Variants in FGD4 observed in about 807,000 individuals in gnomAD.
FGD4 encodes FYVE, RhoGEF and PH domain-containing protein 4.
Under a neutral mutation model 102.0 loss-of-function variants are expected in FGD4, and 42 were observed. That is an observed-to-expected ratio of 0.41 (90% confidence interval 0.32 to 0.53). The LOEUF (loss-of-function observed/expected upper bound fraction) is 0.53. Ranked by LOEUF, FGD4 falls within the 20% of genes least tolerant of loss-of-function variation. The pLI, the probability that FGD4 is intolerant of heterozygous loss-of-function variation, is 0.21. For synonymous variants in FGD4, 380 were observed against 375.7 expected, an observed-to-expected ratio of 1.01 and a Z score of -0.13; for missense variants, 902 against 1,078.2, an observed-to-expected ratio of 0.84 and a Z score of 2.29.
At chr12:32,533,459 T>C (rs1941978579) in intron 1 of FGD4, among the ~76,000 whole-genome samples, 1 of 152,202 alleles carries the variant, frequency 6.6e-6, no homozygotes, top group South Asian at 2.1e-4. Flanking sequence ...GGAGTCTCAC[T>C]CTGTCACCGA....
chr12:32,532,986 A>T (rs1941940395), intron 1 of FGD4, among the ~76,000 whole-genome samples: 1 of 152,194 alleles, frequency 6.6e-6, no homozygotes, highest in African/African-American at 2.4e-5. Context: ...CTTGTGTTGA[A>T]GTGGGAGAAC....
At chr12:32,523,351 A>G (rs550902062) in intron 1 of FGD4, among the ~76,000 whole-genome samples, 68 of 152,192 alleles carry the variant, frequency 4.5e-4, no homozygotes, top group Non-Finnish European at 8.8e-4. Context: ...TGTGGCATTA[A>G]ATACATTTAT....
rs145865619 is a variant in FGD4 at position 32,503,730 on chromosome 12, T to G, written c.167-60407T>G. ...AAATTTCCTTAGCATAATCTAAAAA[T>G]TTTCAAGCCAATGTAATAGTATTGG... is the stretch of plus-strand genomic sequence containing the variant. On this transcript the variant is annotated intron_variant, in intron 1 of 16. Transcript: ENST00000534526. Among the ~76,000 whole-genome samples, 37 of 152,326 alleles carry G rather than the reference T, an allele frequency of 2.4e-4. No homozygotes were observed. The East Asian group carries it at 5.4e-3, about 22-fold the overall frequency.
chr12:32,456,265 A>C (rs566462584), intron 1 of FGD4, among the ~76,000 whole-genome samples: 2 of 152,158 alleles, frequency 1.3e-5, no homozygotes, highest in Admixed American at 6.5e-5. Context: ...TACTTTTGCT[A>C]TGTGATTAGA....
At chr12:32,418,763 G>A (rs1028430619) in intron 1 of FGD4, among the ~76,000 whole-genome samples, 1 of 152,190 alleles carries the variant, frequency 6.6e-6, no homozygotes, top group Non-Finnish European at 1.5e-5. Context: ...GTCAGCAGGT[G>A]GCAAAGCCAG....
At chr12:32,403,228 G>A (rs2931554) in intron 1 of FGD4, among the ~76,000 whole-genome samples, 82,566 of 151,928 alleles carry the variant, frequency 0.54, 23,437 homozygotes, top group African/African-American at 0.71. Flanking sequence ...TTAGAGTTCT[G>A]TGCTTTTTGG....
At chr12:32,582,599 G>C in intron 4 of FGD4, 132 bp downstream of exon 4, 1 of 1,177,456 alleles carries the variant, frequency 8.5e-7, no homozygotes, top group Middle Eastern at 2.7e-4. Flanking sequence ...CGATTTTCAA[G>C]CTCTGGCTGC....
chr12:32,620,963 C>T (rs1215852655), intron 11 of FGD4, among the ~76,000 whole-genome samples: 2 of 151,902 alleles, frequency 1.3e-5, no homozygotes, highest in African/African-American at 2.4e-5. Flanking sequence ...ACACCCGGCC[C>T]ATAACCATTT....
At chr12:32,439,842 A>G (rs763122973) in intron 1 of FGD4, among the ~76,000 whole-genome samples, 1 of 152,006 alleles carries the variant, frequency 6.6e-6, no homozygotes, top group African/African-American at 2.4e-5. Flanking sequence ...TAGATCCTGT[A>G]GGTGTGCTTC....
At chr12:32,615,189 T>C (rs1391262381) in intron 10 of FGD4, among the ~76,000 whole-genome samples, 2 of 152,202 alleles carry the variant, frequency 1.3e-5, no homozygotes, top group Non-Finnish European at 2.9e-5. Context: ...AACCTTAAAA[T>C]GTTGTGTCAA....
chr12:32,630,108 T>A (rs1950414019), intron 14 of FGD4, among the ~76,000 whole-genome samples: 1 of 152,216 alleles, frequency 6.6e-6, no homozygotes, highest in African/African-American at 2.4e-5. Context: ...CTCTATTCAT[T>A]CACCATTACA....
intron 2 of FGD4, among the ~76,000 whole-genome samples, chr12:32,575,727 T>C (rs1002549346): frequency 3.3e-5 from 5 of 152,160 alleles, no homozygotes; most frequent in African/African-American, 1.2e-4. Context: ...AAAGATCAAA[T>C]GAGATAAAGT....
At chr12:32,606,349 C>T in intron 7 of FGD4, among the ~76,000 whole-genome samples, 1 of 152,018 alleles carries the variant, frequency 6.6e-6, no homozygotes, top group Non-Finnish European at 1.5e-5. Context: ...GAGCTCAGAT[C>T]TAATGATACA....
At chr12:32,582,771 T>C (rs150065565) in intron 4 of FGD4, 3 of 383,360 alleles carry the variant, frequency 7.8e-6, no homozygotes, top group Non-Finnish European at 1.4e-5. Flanking sequence ...AAAATGTTCC[T>C]TGTTGCTCTA....
chr12:32,484,130 C>CAT (rs1370097693), intron 1 of FGD4, among the ~76,000 whole-genome samples: 2 of 152,164 alleles, frequency 1.3e-5, no homozygotes, highest in African/African-American at 4.8e-5. Flanking sequence ...TTGTCTGCCT[C>CAT]ATATAGTATG....
chr12:32,539,592 A>C (rs1482722270), intron 1 of FGD4, among the ~76,000 whole-genome samples: 1 of 151,542 alleles, frequency 6.6e-6, no homozygotes, highest in Non-Finnish European at 1.5e-5. Context: ...AAAAAAAGCC[A>C]GTACATGAAT....
intron 1 of FGD4, among the ~76,000 whole-genome samples, chr12:32,500,559 T>C (rs922594845): frequency 6.6e-6 from 1 of 151,674 alleles, no homozygotes; most frequent in South Asian, 2.1e-4. Context: ...TCAGCCTCCC[T>C]AGTAGCTGGG....
At chr12:32,495,841 C>T (rs1384118000) in intron 1 of FGD4, among the ~76,000 whole-genome samples, 2 of 152,164 alleles carry the variant, frequency 1.3e-5, no homozygotes, top group East Asian at 3.9e-4. Flanking sequence ...ACATGCTTCA[C>T]CTACCGTGCA....
Position 32,582,202 on chromosome 12 carries a change from C to G in FGD4, c.746C>G (p.Ser249Ter). Residue 249 changes from serine (S) to a stop codon, truncating the protein, a stop_gained, in exon 4 of 17, where the codon TCA (serine) becomes TGA (stop). Transcript: ENST00000534526. LOFTEE classifies it high-confidence loss of function. Reference sequence around the variant, plus strand: ...GAGGAGAAAGCTGCCACTCTTAGCTCAGATACTTCTATTCAAGCTTCTGAA... The same window carrying G: ...GAGGAGAAAGCTGCCACTCTTAGCTGAGATACTTCTATTCAAGCTTCTGAA... ...CEEEKAATLS[S>*]DTSIQASEPL... is the part of the protein sequence containing the mutation. The G allele has an allele frequency of 1.2e-6, 2 of 1,614,220 alleles. No individual in the cohort carries two copies. The highest frequency in any genetic ancestry group is 1.7e-6 in the Non-Finnish European group (2 of 1,180,038).
Sources: allele counts gnomAD v4.1 joint callset (sites outside exome capture counted in the v4.1 genomes callset), GRCh38; gene constraint gnomAD v4.1.1; transcripts MANE v1.5; gene names NCBI Gene and HGNC (gene_info 2026-07-23, HGNC 2026-07-21).